EPM2A: variants seen among roughly 807,000 people sequenced by gnomAD.
EPM2A encodes laforin.
In EPM2A, 21 loss-of-function variants were observed where a neutral mutation model predicts 26.5. The observed-to-expected ratio is 0.79, with a 90% CI of 0.56 to 1.14. The LOEUF (loss-of-function observed/expected upper bound fraction) is 1.14. Ranked by LOEUF, EPM2A falls within the 50% of genes most tolerant of loss-of-function variation. The pLI, the probability that EPM2A is intolerant of heterozygous loss-of-function variation, is 0.00. For missense variants in EPM2A, 458 were observed against 440.8 expected (o/e 1.04, Z -0.35); for synonymous variants, 217 against 177.6 (o/e 1.22, Z -1.76).
At chr6:145,444,991 T>C (rs1367526969) in intron 4 of EPM2A, among the ~76,000 whole-genome samples, 2 of 152,124 alleles carry the variant, frequency 1.3e-5, no homozygotes, top group African/African-American at 4.8e-5. Context: ...CAGGTAATGA[T>C]TGGACTGAAA....
At chr6:145,390,075 C>T (rs1387621173) in intron 4 of EPM2A, among the ~76,000 whole-genome samples, 2 of 152,176 alleles carry the variant, frequency 1.3e-5, no homozygotes, top group Admixed American at 1.3e-4. Flanking sequence ...ATAGATTTAT[C>T]TTAAGAAACT....
rs77573970 is a variant in EPM2A at position 145,536,231 on chromosome 6, C to G, written c.341-33656G>C. On this transcript the variant is annotated intron_variant, in intron 2 of 3. Transcript: ENST00000450221. The stretch of plus-strand genomic sequence containing the variant: ...AAGAAGTTTGATAGTTTGATTGTCT[C>G]CCTTCCCCAGGTTGGTTTTTTGTTT... 3.0e-3 allele frequency among the ~76,000 whole-genome samples: 459 copies of G among 151,008 alleles called. 3 individuals are homozygous for G. The highest frequency in any genetic ancestry group is 0.011 in the African/African-American group (439 of 41,214).
chr6:145,465,416 T>A (rs1165193963), intron 4 of EPM2A, among the ~76,000 whole-genome samples: 2 of 152,096 alleles, frequency 1.3e-5, no homozygotes, highest in Non-Finnish European at 2.9e-5. Context: ...TTGGTTTGAA[T>A]GTCCTCCTGT....
At chr6:145,462,242 G>A (rs1276648852) in intron 4 of EPM2A, among the ~76,000 whole-genome samples, 1 of 152,120 alleles carries the variant, frequency 6.6e-6, no homozygotes, top group Non-Finnish European at 1.5e-5. Flanking sequence ...TAGAAGAAAG[G>A]AGACTATATT....
chr6:145,484,320 G>A (rs899304888), intron 4 of EPM2A, among the ~76,000 whole-genome samples: 3 of 149,770 alleles, frequency 2.0e-5, no homozygotes, highest in African/African-American at 7.4e-5. Flanking sequence ...ATGATTTTCT[G>A]TTTTTTTTTC....
chr6:145,732,226 TGTGTGTGTGTGC>T (rs1411278639), intron 1 of EPM2A, among the ~76,000 whole-genome samples: 185 of 118,816 alleles, frequency 1.6e-3, no homozygotes, highest in African/African-American at 4.0e-3. Flanking sequence ...TGTGTGTGTG[TGTGTGTGTGTGC>T]GCGCCAAAGT....
intron 1 of EPM2A, among the ~76,000 whole-genome samples, chr6:145,727,324 A>C (rs748017602): frequency 5.3e-5 from 8 of 152,198 alleles, no homozygotes; most frequent in Non-Finnish European, 5.9e-5. Context: ...GAACTTCTAC[A>C]GATGAGAAAT....
At position 145,400,850 on chromosome 6, in the gene EPM2A, C is replaced by T. The variant is rs144688461; in HGVS notation, c.556-16753G>A. Among the ~76,000 whole-genome samples, 383 of 152,070 alleles carry T rather than the reference C, an allele frequency of 2.5e-3. 1 individual carries two copies. Among genetic ancestry groups the T allele is most frequent in the African/African-American group, 8.8e-3 (367 of 41,494 alleles). On this transcript the variant is annotated intron_variant, in intron 4 of 4. Coordinates refer to the EPM2A transcript ENST00000638717. ...AAAGCGCTTAATTTTTGGTTTCATC[C>T]GGGGCTCTGCTTCCCGCCTACAGGT...
intron 2 of EPM2A, among the ~76,000 whole-genome samples, chr6:145,599,881 T>C (rs6914304): frequency 0.48 from 73,112 of 151,786 alleles, 18,500 homozygotes; most frequent in African/African-American, 0.63. Flanking sequence ...TATTCTTTAA[T>C]CAAAAATTGA....
intron 2 of EPM2A, among the ~76,000 whole-genome samples, chr6:145,646,826 T>C (rs974143046): frequency 3.9e-5 from 6 of 151,998 alleles, no homozygotes; most frequent in African/African-American, 1.2e-4. Context: ...CATTCTCTCC[T>C]CCTCTTTGCT....
intron 2 of EPM2A, among the ~76,000 whole-genome samples, chr6:145,567,406 T>C (rs1372250113): frequency 6.6e-6 from 1 of 152,216 alleles, no homozygotes; most frequent in East Asian, 1.9e-4. Flanking sequence ...CAAAAGTTTC[T>C]TTCTTGCTCA....
At chr6:145,553,824 A>C (rs1196070394) in intron 2 of EPM2A, among the ~76,000 whole-genome samples, 1 of 147,704 alleles carries the variant, frequency 6.8e-6, no homozygotes, top group African/African-American at 2.5e-5. Context: ...TTTAGTATAT[A>C]TATTATATAT....
chr6:145,624,117 TTTC>T (rs942438022), downstream of EPM2A, among the ~76,000 whole-genome samples: 1 of 152,116 alleles, frequency 6.6e-6, no homozygotes, highest in East Asian at 1.9e-4. Context: ...TTCTATCAGT[TTTC>T]TTCTTTTTCT....
intron 1 of EPM2A, among the ~76,000 whole-genome samples, chr6:145,691,787 A>C (rs1562494104): frequency 6.6e-6 from 1 of 152,100 alleles, no homozygotes. Context: ...ATTCTAAAAA[A>C]ATGTTCAATT....
At chr6:145,401,334 T>G (rs1778483252) in intron 4 of EPM2A, among the ~76,000 whole-genome samples, 1 of 152,156 alleles carries the variant, frequency 6.6e-6, no homozygotes, top group Non-Finnish European at 1.5e-5. Context: ...CTTAGCAAGA[T>G]CTGTGATCTC....
At chr6:145,497,405 C>G (rs1779835340), downstream of EPM2A, among the ~76,000 whole-genome samples, 1 of 152,210 alleles carries the variant, frequency 6.6e-6, no homozygotes, top group African/African-American at 2.4e-5. Flanking sequence ...GCAGCCTGCC[C>G]CTTTCTCTGG....
chr6:145,695,447 A>G (rs889254079), intron 1 of EPM2A, among the ~76,000 whole-genome samples: 3 of 152,208 alleles, frequency 2.0e-5, no homozygotes, highest in Middle Eastern at 3.4e-3. Context: ...CTTACATACT[A>G]TAATTACCTT....
intron 1 of EPM2A, among the ~76,000 whole-genome samples, chr6:145,711,607 G>A (rs1414738117): frequency 1.3e-5 from 2 of 152,140 alleles, no homozygotes; most frequent in Middle Eastern, 3.2e-3. Context: ...AAGAAATGAT[G>A]TCATGAAAGA....
At chr6:145,562,947 C>T (rs1184657103) in intron 2 of EPM2A, among the ~76,000 whole-genome samples, 1 of 151,214 alleles carries the variant, frequency 6.6e-6, no homozygotes, top group East Asian at 2.0e-4. Flanking sequence ...AAGGTGAGAT[C>T]AAACGTCCTA....
Sources: gnomAD v4.1 joint callset for allele counts (sites outside exome capture counted in the v4.1 genomes callset) on GRCh38, gnomAD v4.1.1 for gene constraint, MANE v1.5 for transcripts, NCBI Gene and HGNC (gene_info 2026-07-23, HGNC 2026-07-21) for gene names.